The following KCNJ6 variants were observed in gnomAD, a reference collection of about 807,000 sequenced individuals.
KCNJ6 encodes the protein potassium inwardly rectifying channel subfamily J member 6.
Under a neutral mutation model 34.2 loss-of-function variants are expected in KCNJ6, and 9 were observed. That is an observed-to-expected ratio of 0.26 (90% CI 0.16 to 0.46). The LOEUF (loss-of-function observed/expected upper bound fraction) is 0.46, where lower values mean the gene tolerates loss of function less well. KCNJ6 is among the 20% of genes least tolerant of loss of function. The pLI, the probability that KCNJ6 is intolerant of heterozygous loss-of-function variation, is 1.00. For synonymous variants in KCNJ6, 196 were observed against 207.1 expected, an observed-to-expected ratio of 0.95 and a Z score of 0.46; for missense variants, 236 against 531.3, an observed-to-expected ratio of 0.44 and a Z score of 5.46.
intron 1 of KCNJ6, among the ~76,000 whole-genome samples, chr21:37,881,823 T>G (rs934227328): frequency 2.0e-5 from 3 of 152,112 alleles, no homozygotes; most frequent in Middle Eastern, 3.2e-3. Context: ...ATAAACCTTG[T>G]GGGGACATGA....
chr21:37,778,722 T>TGTGTGTG (rs1555843342), intron 2 of KCNJ6, among the ~76,000 whole-genome samples: 1 of 151,224 alleles, frequency 6.6e-6, no homozygotes, highest in African/African-American at 2.4e-5. Context: ...TGTGTGTGTG[T>TGTGTGTG]TTTAACACTC....
At chr21:37,649,150 A>AC (rs2054420440) in intron 3 of KCNJ6, among the ~76,000 whole-genome samples, 1 of 150,182 alleles carries the variant, frequency 6.7e-6, no homozygotes, top group East Asian at 2.0e-4. Context: ...AAAAAAAAAA[A>AC]AAAAGAAAGA....
intron 1 of KCNJ6, among the ~76,000 whole-genome samples, chr21:37,884,065 T>C (rs371485171): frequency 3.3e-5 from 5 of 152,308 alleles, no homozygotes; most frequent in African/African-American, 1.2e-4. Flanking sequence ...AAGGTTGGCA[T>C]CTGTTTAAAA....
intron 2 of KCNJ6, among the ~76,000 whole-genome samples, chr21:37,766,449 C>T (rs1479819371): frequency 6.6e-6 from 1 of 152,052 alleles, no homozygotes; most frequent in Non-Finnish European, 1.5e-5. Context: ...TTTGATCATG[C>T]ATTTAATCTG....
intron 3 of KCNJ6, among the ~76,000 whole-genome samples, chr21:37,707,299 T>C (rs1787427): frequency 1 from 152,352 of 152,352 alleles, 76,176 homozygotes; most frequent in Non-Finnish European, 1. Flanking sequence ...TGGGACTGGG[T>C]CTCCCGACTG....
rs373856403 is a variant in KCNJ6 at position 37,883,574 on chromosome 21, G to A, written c.-28+32310C>T. 2.2e-4 allele frequency among the ~76,000 whole-genome samples: 34 copies of A among 152,286 alleles called. No homozygotes were observed. In the Middle Eastern group the frequency reaches 0.014, roughly 61 times the overall value. ...TTCCAGGTGCCAGGCGGCGGGCACC[G>A]TCTTGGCTTCTCTGCCTGGGGGAAG... On this transcript the variant is annotated intron_variant, in intron 1 of 3. Coordinates refer to ENST00000609713, the MANE Select transcript of KCNJ6 (RefSeq NM_002240.5).
At chr21:37,874,814 A>C (rs1485327351) in intron 1 of KCNJ6, among the ~76,000 whole-genome samples, 1 of 152,084 alleles carries the variant, frequency 6.6e-6, no homozygotes, top group Non-Finnish European at 1.5e-5. Flanking sequence ...AAGCCCTTTA[A>C]ACACATTCAC....
intron 2 of KCNJ6, among the ~76,000 whole-genome samples, chr21:37,745,460 G>A (rs1476942528): frequency 1.3e-5 from 2 of 152,194 alleles, no homozygotes; most frequent in Middle Eastern, 3.4e-3. Flanking sequence ...AGGGGACCAT[G>A]AGCCAAGGAG....
intron 2 of KCNJ6, among the ~76,000 whole-genome samples, chr21:37,797,611 T>G (rs552754031): frequency 6.6e-6 from 1 of 152,306 alleles, no homozygotes; most frequent in African/African-American, 2.4e-5. Context: ...TTGCATTTTT[T>G]TTTTTCTAAC....
In KCNJ6 at chr21:37,610,961, A is replaced by G. The variant is rs2054240955; in HGVS notation, c.*14198T>C. ...AAAAAGAGCAAATTAAACCCAAAGT[A>G]AGCCAATGAGAAGAAATAATTAAAA... On this transcript the variant is annotated 3_prime_UTR_variant, in exon 4 of 4. Coordinates refer to ENST00000609713, the MANE Select transcript of KCNJ6 (RefSeq NM_002240.5). 1 of 152,158 alleles carries G rather than the reference A, an allele frequency of 6.6e-6. No homozygotes were observed. The highest frequency in any genetic ancestry group is 1.5e-5 in the Non-Finnish European group (1 of 68,010). 9.4% of individuals were successfully genotyped at this position (152,158 alleles called of 1,614,324 possible).
intron 2 of KCNJ6, among the ~76,000 whole-genome samples, chr21:37,720,241 A>G (rs1469268209): frequency 6.6e-6 from 1 of 152,224 alleles, no homozygotes; most frequent in African/African-American, 2.4e-5. Context: ...ACCTGATTTA[A>G]GAAATGTATC....
rs892042956 is a variant in KCNJ6, at chr21:37,619,828, C to T, written c.*5331G>A. Reference sequence around the variant, plus strand: ...CTGAAGCAATATTTCAGCGGCTGGGCTGGGAATGCCCATTTCTCTGTAGTT... The same window carrying T: ...CTGAAGCAATATTTCAGCGGCTGGGTTGGGAATGCCCATTTCTCTGTAGTT... On this transcript the variant is annotated 3_prime_UTR_variant, in exon 4 of 4. Coordinates refer to ENST00000609713, the MANE Select transcript of KCNJ6 (RefSeq NM_002240.5). The T allele has an allele frequency of 6.6e-6, 1 of 152,160 alleles. No individual in the cohort carries two copies. Among genetic ancestry groups the T allele is most frequent in the African/African-American group, 2.4e-5 (1 of 41,438 alleles). 9.4% of individuals were successfully genotyped at this position (152,160 alleles called of 1,614,324 possible).
chr21:37,821,912 G>A (rs1025620005), intron 2 of KCNJ6, among the ~76,000 whole-genome samples: 17 of 152,136 alleles, frequency 1.1e-4, no homozygotes, highest in African/African-American at 4.1e-4. Flanking sequence ...TCTAATGGTT[G>A]TATTATTTTA....
chr21:37,649,078 T>TAA (rs2054419270), intron 3 of KCNJ6, among the ~76,000 whole-genome samples: 1 of 135,932 alleles, frequency 7.4e-6, no homozygotes, highest in African/African-American at 2.9e-5. Context: ...GGCTGCAGAG[T>TAA]GCTGAGATTG....
intron 1 of KCNJ6, among the ~76,000 whole-genome samples, chr21:37,867,263 G>T (rs2055627220): frequency 6.6e-6 from 1 of 152,136 alleles, no homozygotes; most frequent in Admixed American, 6.5e-5. Flanking sequence ...AACACCTGAG[G>T]TGTCTAGGGT....
chr21:37,806,315 C>T (rs980886527), intron 2 of KCNJ6, among the ~76,000 whole-genome samples: 4 of 152,168 alleles, frequency 2.6e-5, no homozygotes, highest in Non-Finnish European at 5.9e-5. Flanking sequence ...TGAGCCTCTT[C>T]GAGAGCCTAC....
chr21:37,822,381 C>T (rs1433290226), intron 2 of KCNJ6, among the ~76,000 whole-genome samples: 2 of 151,778 alleles, frequency 1.3e-5, no homozygotes, highest in Non-Finnish European at 2.9e-5. Context: ...TGCCCAAGTG[C>T]CTGGTTCCAT....
intron 3 of KCNJ6, among the ~76,000 whole-genome samples, chr21:37,636,657 G>C (rs1214534100): frequency 6.6e-6 from 1 of 152,222 alleles, no homozygotes; most frequent in Non-Finnish European, 1.5e-5. Context: ...CAGGAAAACA[G>C]ACTGAAACAT....
chr21:37,630,385 G>T (rs2123366660), intron 3 of KCNJ6, among the ~76,000 whole-genome samples: 1 of 152,212 alleles, frequency 6.6e-6, no homozygotes, highest in Admixed American at 6.5e-5. Flanking sequence ...ATATTCCTTA[G>T]CATTTGCACA....
Sources: allele counts gnomAD v4.1 joint callset (sites outside exome capture counted in the v4.1 genomes callset), GRCh38; gene constraint gnomAD v4.1.1; transcripts MANE v1.5; gene names NCBI Gene and HGNC (gene_info 2026-07-23, HGNC 2026-07-21).